Variants in PAWR observed in about 807,000 individuals in gnomAD.
The protein encoded by PAWR is PRKC apoptosis WT1 regulator protein.
In PAWR, 23 loss-of-function variants were observed where a neutral mutation model predicts 32.0. That is an observed-to-expected ratio of 0.72 (90% CI 0.52 to 1.02). The LOEUF (loss-of-function observed/expected upper bound fraction) is 1.02. Among genes scored for constraint, PAWR ranks in the 50% least tolerant of loss-of-function variants. The pLI is 0.00. For missense variants in PAWR, 457 were observed against 437.7 expected, an observed-to-expected ratio of 1.04 and a Z score of -0.39; for synonymous variants, 226 against 187.1, an observed-to-expected ratio of 1.21 and a Z score of -1.70.
rs747355852 is a variant in PAWR, at chr12:79,621,130, A to G, written c.594T>C (p.Thr198=). 1 of 1,607,896 alleles carries G rather than the reference A, an allele frequency of 6.2e-7. No individual in the cohort carries two copies. The highest frequency in any genetic ancestry group is 1.7e-5 in the Admixed American group (1 of 59,982). The change falls in exon 3 of 7, where the codon ACT becomes ACC. Residue 198 remains threonine (T), a synonymous_variant. Coordinates refer to ENST00000328827, the MANE Select transcript of PAWR (RefSeq NM_002583.4). ...GTAAGTTTACAGCTTCATTCTGAATAGTGTTCTGTTGTGTAATTGCATCTT... is the reference window on the plus strand; with the variant it reads ...GTAAGTTTACAGCTTCATTCTGAATGGTGTTCTGTTGTGTAATTGCATCTT... ...KREDAITQQN[T]IQNEAVNLLD...
Position 79,589,984 on chromosome 12 carries a change from T to C in PAWR, c.*2623A>G, listed in dbSNP as rs1451693873. 2 of 152,172 alleles carry C rather than the reference T, an allele frequency of 1.3e-5. No individual in the cohort carries two copies. The highest frequency in any genetic ancestry group is 2.9e-5 in the Non-Finnish European group (2 of 68,024). 9.4% of individuals were successfully genotyped at this position (152,172 alleles called of 1,614,324 possible). A position where few individuals can be genotyped will look rare whatever the true frequency, so the allele number is the denominator to read the frequency against. On this transcript the variant is annotated 3_prime_UTR_variant, in exon 7 of 7. Transcript: ENST00000328827. ...TTTTATAAATTTTCAGGTGAAACTG[T>C]AGCAGATCCTACTTTATTTTTCAAT... is the stretch of plus-strand genomic sequence containing the variant.
At chr12:79,674,444 T>C (rs1235871613) in intron 2 of PAWR, among the ~76,000 whole-genome samples, 2 of 150,708 alleles carry the variant, frequency 1.3e-5, no homozygotes, top group African/African-American at 4.9e-5. Context: ...AACCTGCAAC[T>C]ATGAAAACCC....
At chr12:79,596,731 A>G in intron 4 of PAWR, 73 bp from the exon 5 acceptor site, 2 of 998,078 alleles carry the variant, frequency 2.0e-6, no homozygotes, top group Non-Finnish European at 2.9e-6. Flanking sequence ...TTTTCTATTG[A>G]GCTTAAAAAA....
intron 4 of PAWR, chr12:79,603,665 C>CAATTTTTTTTTTTTT (rs1565998443): frequency 2.8e-5 from 4 of 141,452 alleles, no homozygotes; most frequent in African/African-American, 1.1e-4. Context: ...CATCATTATG[C>CAATTTTTTTTTTTTT]TATTTTTTTT....
At chr12:79,614,704 A>G (rs1197849257) in intron 3 of PAWR, among the ~76,000 whole-genome samples, 23 of 152,206 alleles carry the variant, frequency 1.5e-4, no homozygotes, top group Admixed American at 1.5e-3. Flanking sequence ...AGATCCTACA[A>G]TTAAAGAAGT....
intron 2 of PAWR, among the ~76,000 whole-genome samples, chr12:79,664,681 A>C (rs1255557714): frequency 6.8e-6 from 1 of 145,998 alleles, no homozygotes; most frequent in Non-Finnish European, 1.5e-5. Context: ...AGAGAGAGAG[A>C]GTGGTCTTGC....
chr12:79,636,411 G>A (rs1052247183), intron 2 of PAWR, among the ~76,000 whole-genome samples: 1 of 151,854 alleles, frequency 6.6e-6, no homozygotes, highest in Non-Finnish European at 1.5e-5. Context: ...GAACAGTAGG[G>A]GTAAACCTAA....
intron 2 of PAWR, among the ~76,000 whole-genome samples, chr12:79,634,409 G>A (rs1406368283): frequency 6.6e-6 from 1 of 151,926 alleles, no homozygotes; most frequent in Non-Finnish European, 1.5e-5. Context: ...CTTAAAGTAG[G>A]GTACTACTAA....
intron 2 of PAWR, among the ~76,000 whole-genome samples, chr12:79,681,186 A>G (rs1326780864): frequency 6.6e-6 from 1 of 151,048 alleles, no homozygotes; most frequent in Non-Finnish European, 1.5e-5. Flanking sequence ...GGAAAGGGCT[A>G]TTTATCTAAG....
At chr12:79,685,624 A>C (rs1565707573) in intron 2 of PAWR, among the ~76,000 whole-genome samples, 1 of 152,316 alleles carries the variant, frequency 6.6e-6, no homozygotes, top group East Asian at 1.9e-4. Context: ...ACCACTAGCC[A>C]AAAATAAATT....
chr12:79,623,097 A>G (rs1279686451), intron 2 of PAWR, among the ~76,000 whole-genome samples: 2 of 152,206 alleles, frequency 1.3e-5, no homozygotes, highest in Non-Finnish European at 2.9e-5. Context: ...AACAAGACCA[A>G]AAGTGAAAAG....
chr12:79,628,558 T>C (rs1472464510), intron 2 of PAWR, among the ~76,000 whole-genome samples: 3 of 152,036 alleles, frequency 2.0e-5, no homozygotes, highest in African/African-American at 7.2e-5. Context: ...GTTCTAAATG[T>C]AGTAAAATGT....
chr12:79,592,333 C>A lies in PAWR; in HGVS notation c.*274G>T. 1 of 318,590 alleles carries A rather than the reference C, an allele frequency of 3.1e-6. No homozygotes were observed. The allele number at this position is 318,590 out of a possible 1,614,324, so 19.7% of individuals were successfully genotyped here. On this transcript the variant is annotated 3_prime_UTR_variant, in exon 7 of 7. Coordinates refer to ENST00000328827, the MANE Select transcript of PAWR (RefSeq NM_002583.4). ...TATTCAAACGGCTGTGACTTTAAAC[C>A]ATGTATTAGTTGAATACCACACAAA...
chr12:79,648,814 C>A, intron 2 of PAWR, among the ~76,000 whole-genome samples: 1 of 151,290 alleles, frequency 6.6e-6, no homozygotes, highest in African/African-American at 2.4e-5. Context: ...ATAAAAAAAC[C>A]CTAAAAGGTC....
intron 2 of PAWR, among the ~76,000 whole-genome samples, chr12:79,673,807 A>C (rs1158626070): frequency 2.6e-5 from 4 of 152,174 alleles, no homozygotes; most frequent in Non-Finnish European, 4.4e-5. Context: ...ATTCACAACA[A>C]CCACAAAAAG....
At chr12:79,640,832 C>T (rs1876286958) in intron 2 of PAWR, among the ~76,000 whole-genome samples, 1 of 152,170 alleles carries the variant, frequency 6.6e-6, no homozygotes, top group Non-Finnish European at 1.5e-5. Context: ...TAGTTGGGAA[C>T]ACAGGGATAC....
chr12:79,629,259 T>C (rs1024003728), intron 2 of PAWR, among the ~76,000 whole-genome samples: 3 of 151,966 alleles, frequency 2.0e-5, no homozygotes, highest in African/African-American at 7.2e-5. Flanking sequence ...GAAACACATT[T>C]AAATAGAATG....
At chr12:79,645,530 G>A (rs1180325377) in intron 2 of PAWR, among the ~76,000 whole-genome samples, 1 of 152,158 alleles carries the variant, frequency 6.6e-6, no homozygotes, top group African/African-American at 2.4e-5. Flanking sequence ...ATATCTGAGG[G>A]CTAATTAACT....
chr12:79,674,698 G>C (rs1442961924), intron 2 of PAWR, among the ~76,000 whole-genome samples: 3 of 151,586 alleles, frequency 2.0e-5, no homozygotes, highest in African/African-American at 7.3e-5. Flanking sequence ...GGGACCTTAA[G>C]CAAATCAATA....
Sources: allele counts gnomAD v4.1 joint callset (sites outside exome capture counted in the v4.1 genomes callset), GRCh38; gene constraint gnomAD v4.1.1; transcripts MANE v1.5; gene names NCBI Gene and HGNC (gene_info 2026-07-23, HGNC 2026-07-21).